The following CAMK4 variants were observed in gnomAD, a reference collection of about 807,000 sequenced individuals.
CAMK4 encodes calcium/calmodulin dependent protein kinase IV.
CAMK4 carries 22 observed loss-of-function variants against 44.9 expected under a neutral mutation model. The observed-to-expected ratio is 0.49, with a 90% confidence interval of 0.35 to 0.70. The LOEUF (loss-of-function observed/expected upper bound fraction) is 0.70, where lower values mean the gene tolerates loss of function less well. Ranked by LOEUF, CAMK4 falls within the 30% of genes least tolerant of loss-of-function variation. CAMK4 has a pLI of 0.01. For missense variants in CAMK4, 498 were observed against 586.8 expected (o/e 0.85, Z 1.56); for synonymous variants, 218 against 215.4 (o/e 1.01, Z -0.11).
At chr5:111,335,065 G>A (rs960274370) in intron 1 of CAMK4, among the ~76,000 whole-genome samples, 1 of 151,444 alleles carries the variant, frequency 6.6e-6, no homozygotes, top group Admixed American at 6.6e-5. Context: ...GAGAAACATG[G>A]TAGTCAGCAG....
intron 8 of CAMK4, among the ~76,000 whole-genome samples, chr5:111,476,585 C>A (rs758722678): frequency 6.6e-6 from 1 of 151,916 alleles, no homozygotes; most frequent in Non-Finnish European, 1.5e-5. Context: ...CCCACTCTTT[C>A]CTTCTTAAGA....
At chr5:111,328,814 T>C (rs1228005281) in intron 1 of CAMK4, among the ~76,000 whole-genome samples, 1 of 152,068 alleles carries the variant, frequency 6.6e-6, no homozygotes, top group East Asian at 1.9e-4. Flanking sequence ...TCTCTGTTTG[T>C]CTGTTATTGG....
rs1004616111 is a variant in CAMK4 at position 111,492,771 on chromosome 5, A to G, written c.*8305A>G. On this transcript the variant is annotated 3_prime_UTR_variant, in exon 11 of 11. Coordinates refer to ENST00000282356, the MANE Select transcript of CAMK4 (RefSeq NM_001744.6). ...TCAAAGATGAATTAAATCCAATGCT[A>G]TCCTCCAGGAGTGAGCTTTGTAGTT... 2.0e-5 allele frequency: 3 copies of G among 152,182 alleles called. No individual in the cohort carries two copies. Among genetic ancestry groups the G allele is most frequent in the African/African-American group, 4.8e-5 (2 of 41,448 alleles). 9.4% of individuals were successfully genotyped at this position (152,182 alleles called of 1,614,324 possible). A position where few individuals can be genotyped will look rare whatever the true frequency, so the allele number is the denominator to read the frequency against.
chr5:111,241,795 C>G (rs1749004097), intron 1 of CAMK4, among the ~76,000 whole-genome samples: 1 of 152,118 alleles, frequency 6.6e-6, no homozygotes, highest in Non-Finnish European at 1.5e-5. Context: ...AATGTACTAA[C>G]CAGTGAGAAG....
chr5:111,393,072 A>G (rs1473510420), intron 4 of CAMK4, among the ~76,000 whole-genome samples: 2 of 152,202 alleles, frequency 1.3e-5, no homozygotes, highest in African/African-American at 2.4e-5. Context: ...TTGAAAAACT[A>G]ATAATTTATC....
intron 7 of CAMK4, among the ~76,000 whole-genome samples, chr5:111,472,962 A>C (rs1755114847): frequency 6.6e-6 from 1 of 152,216 alleles, no homozygotes; most frequent in South Asian, 2.1e-4. Context: ...TGTTATGCTT[A>C]ACTTTCATTT....
chr5:111,403,403 C>T (rs1752302065), intron 5 of CAMK4, among the ~76,000 whole-genome samples: 1 of 152,146 alleles, frequency 6.6e-6, no homozygotes, highest in Non-Finnish European at 1.5e-5. Flanking sequence ...ATGGTATTTT[C>T]ATTTCTTTCT....
Position 111,494,282 on chromosome 5 carries a change from T to C in CAMK4, c.*9816T>C, listed in dbSNP as rs556072015. ...ATAGGCTACCTTCCCAACTTCTAAT[T>C]TGAAGAGCACTGAAAATGGAGCTGT... is the stretch of plus-strand genomic sequence containing the variant. On this transcript the variant is annotated 3_prime_UTR_variant, in exon 11 of 11. Transcript: ENST00000282356. 2.0e-5 allele frequency: 3 copies of C among 152,268 alleles called. No individual in the cohort carries two copies. Among genetic ancestry groups the C allele is most frequent in the Admixed American group, 1.3e-4 (2 of 15,292 alleles). The allele number at this position is 152,268 out of a possible 1,614,324, so 9.4% of individuals were successfully genotyped here.
In CAMK4 at chr5:111,244,016, C is replaced by G. The variant is rs1749124937; in HGVS notation, c.161+19372C>G. On this transcript the variant is annotated intron_variant, in intron 1 of 10. Coordinates refer to ENST00000282356, the MANE Select transcript of CAMK4 (RefSeq NM_001744.6). ...ACCGGAGCACAGAGAAGTCACCTGT[C>G]TTTTCCAGCCCTTCAAAACTAGTTA... is the stretch of plus-strand genomic sequence containing the variant. Among the ~76,000 whole-genome samples the G allele has an allele frequency of 2.6e-5, 4 of 152,162 alleles. No homozygotes were observed. In the South Asian group the frequency reaches 8.3e-4, roughly 32 times the overall value.
Position 111,406,706 on chromosome 5 carries a change from C to T in CAMK4, c.459+11924C>T, listed in dbSNP as rs570435457. Among the ~76,000 whole-genome samples the T allele has an allele frequency of 5.9e-5, 9 of 152,206 alleles. No individual in the cohort carries two copies. The East Asian group carries it at 9.6e-4, about 16-fold the overall frequency. Reference sequence around the variant, plus strand: ...CCCGAGGAGAGCTACTGAAAGTAAACGCAAGACACAGTCTCTTTCTGAAAG... The same window carrying T: ...CCCGAGGAGAGCTACTGAAAGTAAATGCAAGACACAGTCTCTTTCTGAAAG... On this transcript the variant is annotated intron_variant, in intron 5 of 10. Coordinates refer to ENST00000282356, the MANE Select transcript of CAMK4 (RefSeq NM_001744.6).
At chr5:111,434,524 C>T (rs941068971) in intron 5 of CAMK4, among the ~76,000 whole-genome samples, 6 of 152,186 alleles carry the variant, frequency 3.9e-5, no homozygotes, top group Admixed American at 3.9e-4. Context: ...TCTTCTGGTC[C>T]TGGGATGCTC....
In CAMK4 at chr5:111,394,189, AAATT is replaced by A. The variant is rs1404997904; in HGVS notation, c.387-515_387-512del. 4.4e-4 allele frequency among the ~76,000 whole-genome samples: 67 copies of A among 152,308 alleles called. 1 individual carries two copies. Among genetic ancestry groups the A allele is most frequent in the Admixed American group, 3.1e-3 (47 of 15,294 alleles). ...ACACTGCATATTTGATAATATTAAG[AAATT>A]AATTATAGGTATGATATTGGAATTA... On this transcript the variant is annotated intron_variant, in intron 4 of 10. Coordinates refer to ENST00000282356, the MANE Select transcript of CAMK4 (RefSeq NM_001744.6).
intron 4 of CAMK4, among the ~76,000 whole-genome samples, chr5:111,380,680 C>A (rs1325370390): frequency 6.6e-6 from 1 of 152,170 alleles, no homozygotes; most frequent in East Asian, 1.9e-4. Flanking sequence ...CATGTCCCTG[C>A]AAAGGATATG....
intron 1 of CAMK4, among the ~76,000 whole-genome samples, chr5:111,294,358 G>C (rs1400857229): frequency 6.6e-6 from 1 of 152,164 alleles, no homozygotes; most frequent in Admixed American, 6.5e-5. Flanking sequence ...ATTTTGCGTA[G>C]TACCCTCTAA....
chr5:111,346,610 C>A (rs57254821), intron 2 of CAMK4, among the ~76,000 whole-genome samples: 1 of 151,788 alleles, frequency 6.6e-6, no homozygotes, highest in African/African-American at 2.4e-5. Flanking sequence ...TAAATTTATT[C>A]TCTTACAATT....
chr5:111,318,297 G>T (rs1236703641), intron 1 of CAMK4, among the ~76,000 whole-genome samples: 1 of 152,054 alleles, frequency 6.6e-6, no homozygotes, highest in Non-Finnish European at 1.5e-5. Flanking sequence ...GATCCACATG[G>T]CTGTGTAGTA....
At chr5:111,231,728 A>T (rs930670431) in intron 1 of CAMK4, among the ~76,000 whole-genome samples, 1 of 152,174 alleles carries the variant, frequency 6.6e-6, no homozygotes, top group Non-Finnish European at 1.5e-5. Flanking sequence ...TTGTTAACCT[A>T]AATTTATTTA....
At chr5:111,436,857 C>T (rs181173149) in intron 5 of CAMK4, among the ~76,000 whole-genome samples, 8 of 152,322 alleles carry the variant, frequency 5.3e-5, no homozygotes, top group Admixed American at 2.0e-4. Flanking sequence ...AGTCTTTCCC[C>T]AAACTCCCCT....
intron 1 of CAMK4, among the ~76,000 whole-genome samples, chr5:111,321,440 G>A (rs1177168772): frequency 6.6e-6 from 1 of 150,476 alleles, no homozygotes; most frequent in African/African-American, 2.5e-5. Flanking sequence ...TAAGCCTCTT[G>A]TTGAAGGAGT....
Sources: allele counts gnomAD v4.1 joint callset (sites outside exome capture counted in the v4.1 genomes callset), GRCh38; gene constraint gnomAD v4.1.1; transcripts MANE v1.5; gene names NCBI Gene and HGNC (gene_info 2026-07-23, HGNC 2026-07-21).